Variants in RALYL observed in about 807,000 individuals in gnomAD.
RALYL encodes RNA-binding Raly-like protein.
RALYL carries 29 observed loss-of-function variants against 35.1 expected under a neutral mutation model. That is an observed-to-expected ratio of 0.83 (90% CI 0.61 to 1.13). The LOEUF is 1.13. RALYL is among the 50% of genes most tolerant of loss of function. RALYL has a pLI of 0.00. For synonymous variants in RALYL, 120 were observed against 127.6 expected (o/e 0.94, Z 0.40); for missense variants, 359 against 360.4 (o/e 1.00, Z 0.03).
chr8:84,411,172 TC>T (rs1193811458), intron 1 of RALYL, among the ~76,000 whole-genome samples: 1 of 151,904 alleles, frequency 6.6e-6, no homozygotes, highest in African/African-American at 2.4e-5. Flanking sequence ...CTTTATTTTT[TC>T]CCATGGTATT....
Position 84,184,811 on chromosome 8 carries a change from T to C in RALYL, c.-24+387T>C, listed in dbSNP as rs980995971. On this transcript the variant is annotated intron_variant, in intron 1 of 8. Coordinates refer to ENST00000521268, the MANE Select transcript of RALYL (RefSeq NM_173848.7). ...GCAGGAGGGGCGAGGGCCGTGTACGTGGCGCTGGCCGTCGGGCGGGCTAGA... is the reference window on the plus strand; with the variant it reads ...GCAGGAGGGGCGAGGGCCGTGTACGCGGCGCTGGCCGTCGGGCGGGCTAGA... 8 of 635,160 alleles carry C rather than the reference T, an allele frequency of 1.3e-5. No individual in the cohort carries two copies. In the Admixed American group the frequency reaches 1.3e-4, roughly 10 times the overall value. The allele number at this position is 635,160 out of a possible 1,614,324, so 39.3% of individuals were successfully genotyped here.
intron 1 of RALYL, among the ~76,000 whole-genome samples, chr8:84,463,985 G>C (rs953862051): frequency 1.3e-5 from 2 of 151,706 alleles, no homozygotes; most frequent in African/African-American, 4.8e-5. Flanking sequence ...AATCATTCTG[G>C]GTGTGGCTTC....
At chr8:84,503,878 G>T (rs2056934434) in intron 1 of RALYL, among the ~76,000 whole-genome samples, 1 of 147,328 alleles carries the variant, frequency 6.8e-6, no homozygotes, top group Admixed American at 6.8e-5. Flanking sequence ...AAAAAAAAAT[G>T]AAAACAAACC....
intron 1 of RALYL, among the ~76,000 whole-genome samples, chr8:84,331,463 A>G (rs925806255): frequency 9.9e-5 from 15 of 152,080 alleles, no homozygotes; most frequent in Admixed American, 8.5e-4. Flanking sequence ...AATAATTACT[A>G]TCTTAGACTG....
chr8:84,560,398 A>C (rs940709855), intron 2 of RALYL, among the ~76,000 whole-genome samples: 3 of 152,080 alleles, frequency 2.0e-5, no homozygotes, highest in Admixed American at 6.6e-5. Context: ...GGTAGAAACT[A>C]TCCAGAGCCA....
At chr8:84,806,780 G>A (rs974369609) in intron 4 of RALYL, among the ~76,000 whole-genome samples, 7 of 152,094 alleles carry the variant, frequency 4.6e-5, no homozygotes, top group African/African-American at 1.7e-4. Flanking sequence ...TGTATGCTAA[G>A]GTGGGCGACT....
At chr8:84,806,669 A>G (rs1029543522) in intron 4 of RALYL, among the ~76,000 whole-genome samples, 2 of 152,176 alleles carry the variant, frequency 1.3e-5, no homozygotes, top group African/African-American at 4.8e-5. Context: ...AAGTGGTGTG[A>G]AAGGCAACCC....
intron 1 of RALYL, among the ~76,000 whole-genome samples, chr8:84,489,779 GA>G (rs1262956307): frequency 6.6e-6 from 1 of 151,932 alleles, no homozygotes; most frequent in Non-Finnish European, 1.5e-5. Context: ...GCAATTAAAA[GA>G]AGTTGGAAAT....
intron 3 of RALYL, among the ~76,000 whole-genome samples, chr8:84,804,301 G>A (rs1370171012): frequency 2.6e-5 from 4 of 152,038 alleles, no homozygotes; most frequent in Non-Finnish European, 5.9e-5. Context: ...CCACCCTAAG[G>A]GGTGTTAAGA....
chr8:84,311,542 A>G (rs1211855929), intron 1 of RALYL, among the ~76,000 whole-genome samples: 1 of 152,156 alleles, frequency 6.6e-6, no homozygotes, highest in Non-Finnish European at 1.5e-5. Context: ...TAATGTGCAA[A>G]AGCTATATAA....
chr8:84,489,315 C>T (rs781684392), intron 1 of RALYL, among the ~76,000 whole-genome samples: 2 of 151,932 alleles, frequency 1.3e-5, no homozygotes, highest in Non-Finnish European at 2.9e-5. Flanking sequence ...AGTTCAGAAA[C>T]CTGTGAGTTA....
chr8:84,742,059 A>G (rs1807489909), intron 2 of RALYL, among the ~76,000 whole-genome samples: 2 of 151,994 alleles, frequency 1.3e-5, no homozygotes, highest in African/African-American at 4.8e-5. Flanking sequence ...TTGTGGTCAT[A>G]CAAATGATAC....
chr8:84,291,159 A>T (rs1301317171), intron 1 of RALYL, among the ~76,000 whole-genome samples: 1 of 152,190 alleles, frequency 6.6e-6, no homozygotes, highest in African/African-American at 2.4e-5. Context: ...AAAGGTATAA[A>T]AAGAAGTAAG....
intron 2 of RALYL, chr8:84,665,821 T>G (rs1831905902): frequency 6.6e-6 from 1 of 152,052 alleles, no homozygotes; most frequent in South Asian, 2.1e-4. Flanking sequence ...GCTACTCTTC[T>G]CTGTATCACT....
At chr8:84,182,828 G>A (rs1289912822), upstream of RALYL, 1 of 152,802 alleles carries the variant, frequency 6.5e-6, no homozygotes, top group Non-Finnish European at 1.5e-5. Flanking sequence ...AGGCAGCTTG[G>A]GAGGGATGGG....
chr8:84,769,520 G>T (rs1004833261), intron 2 of RALYL, among the ~76,000 whole-genome samples: 2 of 152,152 alleles, frequency 1.3e-5, no homozygotes, highest in African/African-American at 4.8e-5. Context: ...TAGCACTGTG[G>T]GAAGCCGAGG....
intron 2 of RALYL, among the ~76,000 whole-genome samples, chr8:84,625,051 A>G (rs1822429148): frequency 6.6e-6 from 1 of 152,180 alleles, no homozygotes; most frequent in African/African-American, 2.4e-5. Context: ...TATATCTTAG[A>G]ATTATGTCAT....
At chr8:84,621,639 A>G (rs1422600508) in intron 2 of RALYL, among the ~76,000 whole-genome samples, 1 of 152,282 alleles carries the variant, frequency 6.6e-6, no homozygotes, top group East Asian at 1.9e-4. Flanking sequence ...TAGAACTTTC[A>G]TACAGTACAT....
chr8:84,896,349 C>T (rs1329921421), intron 8 of RALYL, among the ~76,000 whole-genome samples: 1 of 152,152 alleles, frequency 6.6e-6, no homozygotes, highest in Non-Finnish European at 1.5e-5. Context: ...TACTATAGAG[C>T]AAAGCAGCTA....
Sources: gnomAD v4.1 joint callset for allele counts (sites outside exome capture counted in the v4.1 genomes callset) on GRCh38, gnomAD v4.1.1 for gene constraint, MANE v1.5 for transcripts, NCBI Gene and HGNC (gene_info 2026-07-23, HGNC 2026-07-21) for gene names.